LY75: variants seen among roughly 807,000 people sequenced by gnomAD.
The protein encoded by LY75 is lymphocyte antigen 75.
Under a neutral mutation model 231.7 loss-of-function variants are expected in LY75, and 185 were observed. The ratio of observed to expected loss-of-function variants is 0.80; its 90% CI spans 0.71 to 0.90. The LOEUF (loss-of-function observed/expected upper bound fraction) is 0.90, where lower values mean the gene tolerates loss of function less well. LY75 is among the 40% of genes least tolerant of loss of function. The probability of loss-of-function intolerance (pLI) is 0.00; values close to 1 mark genes in which losing one functional copy is unlikely to be tolerated. For missense variants in LY75, 1,947 were observed against 2,050.2 expected (o/e 0.95, Z 0.97); for synonymous variants, 668 against 689.0 (o/e 0.97, Z 0.48).
In LY75 at chr2:159,894,013, G is replaced by A; in HGVS notation, c.538C>T (p.His180Tyr). The change falls in exon 3 of 35, where the codon CAT becomes TAT. Residue 180 changes from histidine (H) to tyrosine (Y), a missense_variant. By Grantham distance (83) the His-to-Tyr change is moderately conservative. Transcript: ENST00000263636. ...TCTTCATCAAGAATGCAATCATGAT[G>A]CCAGGTCCCATCAATTAAGAATGGA... Reference protein sequence around the residue: ...EFPFLIDGTWHHDCILDEDHS... With the variant: ...EFPFLIDGTWYHDCILDEDHS... 6.2e-7 allele frequency: 1 copy of A among 1,613,914 alleles called. No individual in the cohort carries two copies. The highest frequency in any genetic ancestry group is 8.5e-7 in the Non-Finnish European group (1 of 1,179,872).
chr2:159,827,018 C>T (rs1263982837), intron 28 of LY75, among the ~76,000 whole-genome samples: 2 of 152,130 alleles, frequency 1.3e-5, no homozygotes, highest in African/African-American at 2.4e-5. Flanking sequence ...AGAAGGAAAC[C>T]TGGGCAATAC....
intron 25 of LY75, among the ~76,000 whole-genome samples, chr2:159,838,932 G>A (rs2729713): frequency 0.91 from 137,672 of 152,090 alleles, 62,576 homozygotes; most frequent in African/African-American, 0.98. Flanking sequence ...AGTAGCTGGG[G>A]TTACAGACGC....
intron 13 of LY75, among the ~76,000 whole-genome samples, chr2:159,871,411 C>G (rs1469418555): frequency 6.6e-6 from 1 of 152,038 alleles, no homozygotes; most frequent in Non-Finnish European, 1.5e-5. Context: ...TCAGCACTAA[C>G]TTTTATCTGT....
chr2:159,900,950 T>C (rs1686057919), intron 1 of LY75, among the ~76,000 whole-genome samples: 1 of 152,058 alleles, frequency 6.6e-6, no homozygotes, highest in African/African-American at 2.4e-5. Context: ...GTGATTCTCA[T>C]GCCCCAGCCT....
chr2:159,873,565 T>C (rs1363203598), intron 12 of LY75, among the ~76,000 whole-genome samples: 1 of 152,084 alleles, frequency 6.6e-6, no homozygotes, highest in African/African-American at 2.4e-5. Context: ...CCAAACTAGA[T>C]CAGTCAAACT....
At chr2:159,848,479 G>A (rs2357686) in intron 23 of LY75, among the ~76,000 whole-genome samples, 36,947 of 151,930 alleles carry the variant, frequency 0.24, 6,001 homozygotes, top group Non-Finnish European at 0.37. Context: ...GGTGATGGGT[G>A]CACCAAAATC....
chr2:159,894,250 T>A (rs1685844059), intron 2 of LY75, among the ~76,000 whole-genome samples, 166 bp from the exon 3 acceptor site: 1 of 152,226 alleles, frequency 6.6e-6, no homozygotes, highest in Non-Finnish European at 1.5e-5. Flanking sequence ...GAATGCTGGC[T>A]CCCTGCTAAC....
At chr2:159,808,220 C>T (rs1682845862) in intron 33 of LY75, 1 of 804,978 alleles carries the variant, frequency 1.2e-6, no homozygotes, top group Admixed American at 6.2e-5. Flanking sequence ...AAAGATTCCA[C>T]TTTATTTAAC....
intron 11 of LY75, among the ~76,000 whole-genome samples, chr2:159,876,124 G>A: frequency 6.6e-6 from 1 of 152,142 alleles, no homozygotes; most frequent in East Asian, 1.9e-4. Flanking sequence ...AAGGTAGAAG[G>A]AGGTATGTGG....
Position 159,879,011 on chromosome 2 carries a change from G to C in LY75, c.1515+248C>G, listed in dbSNP as rs35254028. On this transcript the variant is annotated intron_variant, in intron 9 of 34. Transcript: ENST00000263636. ...TTATTTTTGAATATTGATATTAGTG[G>C]GGGAAGTAAAGACATCAGCCTTGAG... Among the ~76,000 whole-genome samples, 1,113 of 152,232 alleles carry C rather than the reference G, an allele frequency of 7.3e-3. 8 individuals are homozygous for C. The highest frequency in any genetic ancestry group is 0.011 in the Admixed American group (167 of 15,286).
At chr2:159,876,300 T>C (rs73000751) in intron 11 of LY75, among the ~76,000 whole-genome samples, 26,809 of 152,138 alleles carry the variant, frequency 0.18, 2,673 homozygotes, top group East Asian at 0.36. Flanking sequence ...GAAACCAGAT[T>C]TGTCTGACAA....
chr2:159,853,722 C>T, intron 18 of LY75, 25 bp from the exon 19 acceptor site: 1 of 1,612,872 alleles, frequency 6.2e-7, no homozygotes, highest in Non-Finnish European at 8.5e-7. Context: ...AAACATCCAT[C>T]CTTATATGTG....
chr2:159,807,236 A>G (rs1403817600), intron 33 of LY75, 96 bp from the exon 34 acceptor site: 1 of 1,324,250 alleles, frequency 7.6e-7, no homozygotes, highest in African/African-American at 1.5e-5. Flanking sequence ...GTGCTGTCCA[A>G]TATGAGAGCC....
At chr2:159,831,908 A>C in intron 27 of LY75, 122 bp from the exon 28 acceptor site, 7 of 726,460 alleles carry the variant, frequency 9.6e-6, no homozygotes, top group Non-Finnish European at 1.5e-5. Flanking sequence ...AATATTGGAC[A>C]ATTAGAAACA....
intron 15 of LY75, 75 bp from the exon 16 acceptor site, chr2:159,858,551 T>A: frequency 6.8e-7 from 1 of 1,468,680 alleles, no homozygotes; most frequent in African/African-American, 1.4e-5. Context: ...GTAAGCCCTA[T>A]GACTTTGATC....
At chr2:159,815,355 A>C (rs1388488360) in intron 31 of LY75, 50 bp downstream of exon 31, 1 of 1,541,622 alleles carries the variant, frequency 6.5e-7, no homozygotes, top group Admixed American at 2.2e-5. Flanking sequence ...TATGTGCATA[A>C]ATTATGTCAC....
intron 2 of LY75, 36 bp from the exon 3 acceptor site, chr2:159,894,120 A>G: frequency 6.4e-7 from 1 of 1,558,980 alleles, no homozygotes; most frequent in Non-Finnish European, 8.7e-7. Flanking sequence ...AAGAGAGTTA[A>G]AAACTGGGTA....
intron 30 of LY75, among the ~76,000 whole-genome samples, chr2:159,815,892 A>G (rs1246380124): frequency 1.3e-5 from 2 of 152,190 alleles, no homozygotes; most frequent in Non-Finnish European, 2.9e-5. Flanking sequence ...CATTTGTCAT[A>G]ATTACAAATT....
intron 13 of LY75, among the ~76,000 whole-genome samples, chr2:159,865,337 A>G (rs2125863309): frequency 6.6e-6 from 1 of 152,308 alleles, no homozygotes; most frequent in Middle Eastern, 3.4e-3. Flanking sequence ...GTTAAACAAT[A>G]TTTGAAACAT....
Sources: gnomAD v4.1 joint callset for allele counts (sites outside exome capture counted in the v4.1 genomes callset) on GRCh38, gnomAD v4.1.1 for gene constraint, MANE v1.5 for transcripts, NCBI Gene and HGNC (gene_info 2026-07-23, HGNC 2026-07-21) for gene names.